Variants in ANP32B observed in about 807,000 individuals in gnomAD.
The protein encoded by ANP32B is acidic nuclear phosphoprotein 32 family member B.
In ANP32B, 6 loss-of-function variants were observed where a neutral mutation model predicts 32.2. The observed-to-expected ratio is 0.19, with a 90% CI of 0.10 to 0.37. The LOEUF (loss-of-function observed/expected upper bound fraction) is 0.37. Among genes scored for constraint, ANP32B ranks in the 10% least tolerant of loss-of-function variants. The pLI, the probability that ANP32B is intolerant of heterozygous loss-of-function variation, is 1.00. For synonymous variants in ANP32B, 98 were observed against 105.8 expected, an observed-to-expected ratio of 0.93 and a Z score of 0.45; for missense variants, 204 against 289.2, an observed-to-expected ratio of 0.71 and a Z score of 2.14.
At chr9:98,011,512 A>G (rs1252001102) in intron 5 of ANP32B, 123 bp downstream of exon 5, 2 of 1,332,486 alleles carry the variant, frequency 1.5e-6, no homozygotes, top group African/African-American at 1.5e-5. Flanking sequence ...CTGTGAATAC[A>G]TTTACAATAT....
chr9:98,004,145 C>T (rs1203138251), intron 3 of ANP32B, among the ~76,000 whole-genome samples: 1 of 152,178 alleles, frequency 6.6e-6, no homozygotes, highest in East Asian at 1.9e-4. Flanking sequence ...TTTTCCAGTG[C>T]ACTTTGACTA....
At position 97,983,428 on chromosome 9, in the gene ANP32B, G is replaced by T; in HGVS notation, c.-128G>T. Reference sequence around the variant, plus strand: ...CTGCCCGCACGCCGCCCGCCACCCAGGACCGCGCCGCCGGCCTCCGCCGCT... The same window carrying T: ...CTGCCCGCACGCCGCCCGCCACCCATGACCGCGCCGCCGGCCTCCGCCGCT... On this transcript the variant is annotated 5_prime_UTR_variant, in exon 1 of 7. It adds an upstream start codon to the 5' untranslated region. Coordinates refer to ENST00000339399, the MANE Select transcript of ANP32B (RefSeq NM_006401.3). 1 of 824,650 alleles carries T rather than the reference G, an allele frequency of 1.2e-6. No homozygotes were observed. The highest frequency in any genetic ancestry group is 1.7e-5 in the South Asian group (1 of 60,078). 51.1% of individuals were successfully genotyped at this position (824,650 alleles called of 1,614,324 possible). A position where few individuals can be genotyped will look rare whatever the true frequency, so the allele number is the denominator to read the frequency against.
intron 4 of ANP32B, among the ~76,000 whole-genome samples, chr9:98,007,451 C>T (rs540196817): frequency 2.6e-5 from 4 of 152,260 alleles, no homozygotes; most frequent in Middle Eastern, 6.8e-3. Context: ...ACAAGTCTGC[C>T]GATGTTGACA....
chr9:97,983,703 G>C (rs905008308), intron 1 of ANP32B, 94 bp downstream of exon 1: 3 of 1,078,140 alleles, frequency 2.8e-6, no homozygotes, highest in Non-Finnish European at 3.9e-6. Flanking sequence ...CGCCGGCCCC[G>C]GCGCGGGGAA....
chr9:98,004,831 A>G (rs1363265949), intron 3 of ANP32B, 133 bp from the exon 4 acceptor site: 6 of 609,394 alleles, frequency 9.8e-6, no homozygotes, highest in Non-Finnish European at 1.6e-5. Context: ...GACTTGATGT[A>G]TTTTTCTATA....
intron 4 of ANP32B, among the ~76,000 whole-genome samples, chr9:98,005,799 G>T (rs1216852192): frequency 6.6e-6 from 1 of 152,126 alleles, no homozygotes; most frequent in Non-Finnish European, 1.5e-5. Context: ...GCTCTTACAG[G>T]CTTGCCACTC....
At chr9:98,011,152 G>A in intron 4 of ANP32B, 119 bp from the exon 5 acceptor site, 1 of 1,404,838 alleles carries the variant, frequency 7.1e-7, no homozygotes, top group South Asian at 1.5e-5. Flanking sequence ...TAGAAAGAAA[G>A]TGACTGCAGT....
rs76669191 is a variant in ANP32B, at chr9:97,989,346, T to C, written c.55-5285T>C. Among the ~76,000 whole-genome samples, 306 of 152,286 alleles carry C rather than the reference T, an allele frequency of 2.0e-3. 1 individual carries two copies. The highest frequency in any genetic ancestry group is 6.8e-3 in the African/African-American group (284 of 41,564). On this transcript the variant is annotated intron_variant, in intron 1 of 6. Transcript: ENST00000339399. ...TGCTGGTAACTGTAGAAAACAAATA[T>C]GAGTTAAGTAGGAGGTAGTATGGAT...
rs796459327 is a variant in ANP32B, at chr9:98,015,700, A to G, written c.*269A>G. 9.1e-7 allele frequency: 1 copy of G among 1,102,288 alleles called. No homozygotes were observed. The highest frequency in any genetic ancestry group is 1.1e-6 in the Non-Finnish European group (1 of 901,174). 68.3% of individuals were successfully genotyped at this position (1,102,288 alleles called of 1,614,324 possible). A position where few individuals can be genotyped will look rare whatever the true frequency, so the allele number is the denominator to read the frequency against. ...GTGTAAGATTCTTGCTGTAGCGTGG[A>G]TAGCTGTGATTGGTGAGTCAACCGT... is the stretch of plus-strand genomic sequence containing the variant. On this transcript the variant is annotated 3_prime_UTR_variant, in exon 7 of 7. Coordinates refer to ENST00000339399, the MANE Select transcript of ANP32B (RefSeq NM_006401.3).
intron 2 of ANP32B, 69 bp from the exon 3 acceptor site, chr9:97,998,487 C>T: frequency 6.7e-7 from 1 of 1,491,104 alleles, no homozygotes; most frequent in Non-Finnish European, 9.0e-7. Context: ...TTGTTACTTA[C>T]AATACCTTAA....
chr9:97,999,261 C>T (rs1827952370), intron 3 of ANP32B, among the ~76,000 whole-genome samples: 1 of 152,090 alleles, frequency 6.6e-6, no homozygotes, highest in East Asian at 1.9e-4. Context: ...GTTTTGGATC[C>T]ACTTTTGAAA....
intron 4 of ANP32B, among the ~76,000 whole-genome samples, chr9:98,010,419 C>T (rs1426598311): frequency 1.3e-5 from 2 of 151,764 alleles, no homozygotes; most frequent in Admixed American, 6.6e-5. Flanking sequence ...CCTATCTGTA[C>T]AGAAAAAATT....
intron 1 of ANP32B, among the ~76,000 whole-genome samples, chr9:97,983,850 T>C (rs1297376502): frequency 6.6e-6 from 1 of 151,460 alleles, no homozygotes; most frequent in Non-Finnish European, 1.5e-5. Context: ...AAAGCAAACT[T>C]TGAGCGCTTC....
At chr9:97,994,923 G>A (rs1228531899) in intron 2 of ANP32B, 143 bp downstream of exon 2, 4 of 792,488 alleles carry the variant, frequency 5.0e-6, no homozygotes, top group Non-Finnish European at 7.4e-6. Flanking sequence ...TCTAGCCCTA[G>A]CATTTCCTTG....
At chr9:97,985,281 A>G (rs1024778938) in intron 1 of ANP32B, among the ~76,000 whole-genome samples, 1 of 152,094 alleles carries the variant, frequency 6.6e-6, no homozygotes, top group African/African-American at 2.4e-5. Context: ...TGTGCTCGAC[A>G]TTTTAAATCC....
chr9:98,013,979 C>T (rs1828233084), intron 6 of ANP32B, among the ~76,000 whole-genome samples: 1 of 152,174 alleles, frequency 6.6e-6, no homozygotes, highest in Admixed American at 6.5e-5. Context: ...CGCACTCCAG[C>T]CTGAGTGACA....
At chr9:97,988,917 C>T (rs1298666941) in intron 1 of ANP32B, among the ~76,000 whole-genome samples, 1 of 152,166 alleles carries the variant, frequency 6.6e-6, no homozygotes, top group East Asian at 1.9e-4. Context: ...GAATTGACAA[C>T]TCAGAAAGAT....
At chr9:98,007,479 GT>G (rs1247388952) in intron 4 of ANP32B, among the ~76,000 whole-genome samples, 1 of 152,226 alleles carries the variant, frequency 6.6e-6, no homozygotes, top group Non-Finnish European at 1.5e-5. Flanking sequence ...AACAATGCTT[GT>G]TTTTGTGCAA....
intron 3 of ANP32B, among the ~76,000 whole-genome samples, chr9:97,999,821 A>T (rs996421740): frequency 6.6e-6 from 1 of 152,210 alleles, no homozygotes; most frequent in African/African-American, 2.4e-5. Flanking sequence ...TGCAGTTTGT[A>T]GGGCAGCCCC....
Sources: gnomAD v4.1 joint callset for allele counts (sites outside exome capture counted in the v4.1 genomes callset) on GRCh38, gnomAD v4.1.1 for gene constraint, MANE v1.5 for transcripts, NCBI Gene and HGNC (gene_info 2026-07-23, HGNC 2026-07-21) for gene names.